Variants in CADM2 observed in about 807,000 individuals in gnomAD.
The protein encoded by CADM2 is cell adhesion molecule 2.
A neutral mutation model predicts 49.8 loss-of-function variants in CADM2; 12 were observed. The ratio of observed to expected loss-of-function variants is 0.24; its 90% confidence interval spans 0.15 to 0.39. The LOEUF (loss-of-function observed/expected upper bound fraction) is 0.39, where lower values mean the gene tolerates loss of function less well. Among genes scored for constraint, CADM2 ranks in the 10% least tolerant of loss-of-function variants. The probability of loss-of-function intolerance (pLI) is 1.00; values close to 1 mark genes in which losing one functional copy is unlikely to be tolerated. For synonymous variants in CADM2, 214 were observed against 175.4 expected (o/e 1.22, Z -1.74); for missense variants, 378 against 492.3 (o/e 0.77, Z 2.20).
chr3:85,047,634 TTTATAACTAAC>T (rs1297221221), intron 1 of CADM2, among the ~76,000 whole-genome samples: 1 of 152,144 alleles, frequency 6.6e-6, no homozygotes, highest in African/African-American at 2.4e-5. Context: ...CACAAATGGT[TTTATAACTAAC>T]ATTTATTTTA....
At chr3:85,101,955 G>A (rs2038028631) in intron 1 of CADM2, among the ~76,000 whole-genome samples, 1 of 152,114 alleles carries the variant, frequency 6.6e-6, no homozygotes, top group South Asian at 2.1e-4. Context: ...TCTCTTAATT[G>A]GAAGTCAGGC....
chr3:85,982,406 T>C (rs1727585419), intron 8 of CADM2, among the ~76,000 whole-genome samples: 1 of 151,672 alleles, frequency 6.6e-6, no homozygotes, highest in Admixed American at 6.6e-5. Flanking sequence ...GTTTGAAAGA[T>C]AACATTTTTA....
At chr3:85,716,927 T>G in intron 1 of CADM2, among the ~76,000 whole-genome samples, 1 of 152,166 alleles carries the variant, frequency 6.6e-6, no homozygotes, top group Non-Finnish European at 1.5e-5. Flanking sequence ...AGTCAGGTAG[T>G]GTGATGCCTC....
intron 1 of CADM2, among the ~76,000 whole-genome samples, chr3:84,963,557 GT>G (rs1017508826): frequency 2.6e-5 from 4 of 152,014 alleles, no homozygotes; most frequent in East Asian, 1.9e-4. Flanking sequence ...GGGGCTTTAG[GT>G]TTTTTTGTTT....
At chr3:84,991,176 T>A (rs1056980564) in intron 1 of CADM2, among the ~76,000 whole-genome samples, 2 of 152,114 alleles carry the variant, frequency 1.3e-5, no homozygotes, top group African/African-American at 4.8e-5. Flanking sequence ...GTATTTCAGA[T>A]CTTGATACAG....
intron 1 of CADM2, among the ~76,000 whole-genome samples, chr3:85,009,640 C>T (rs907890410): frequency 3.3e-5 from 5 of 152,034 alleles, no homozygotes; most frequent in East Asian, 1.9e-4. Context: ...CCAAGGCGGA[C>T]GGATTGCCTG....
At chr3:85,513,009 AAC>A (rs1456766506) in intron 1 of CADM2, among the ~76,000 whole-genome samples, 1 of 152,046 alleles carries the variant, frequency 6.6e-6, no homozygotes, top group African/African-American at 2.4e-5. Context: ...GTTATGAGGA[AAC>A]ACATGTTCCA....
chr3:85,618,908 G>T (rs561217012), intron 1 of CADM2, among the ~76,000 whole-genome samples: 143 of 152,018 alleles, frequency 9.4e-4, no homozygotes, highest in Admixed American at 1.5e-3. Flanking sequence ...AGGCATAGTT[G>T]TGGGTGCGTG....
chr3:85,272,893 C>T (rs1434484051), intron 1 of CADM2, among the ~76,000 whole-genome samples: 1 of 151,204 alleles, frequency 6.6e-6, no homozygotes, highest in Non-Finnish European at 1.5e-5. Context: ...GAAAGACAGA[C>T]ACTAAGCAAC....
intron 8 of CADM2, among the ~76,000 whole-genome samples, chr3:85,987,984 AAC>A (rs1728326296): frequency 3.3e-5 from 5 of 152,116 alleles, no homozygotes; most frequent in Admixed American, 3.3e-4. Flanking sequence ...CTCCACATGA[AAC>A]ACAGTTAATA....
chr3:85,420,706 A>G (rs1415033186), intron 1 of CADM2, among the ~76,000 whole-genome samples: 1 of 152,240 alleles, frequency 6.6e-6, no homozygotes, highest in Non-Finnish European at 1.5e-5. Context: ...TGTTAATCAC[A>G]TTACTGAGTG....
intron 1 of CADM2, among the ~76,000 whole-genome samples, chr3:85,424,773 A>G (rs958470142): frequency 9.2e-5 from 14 of 152,228 alleles, no homozygotes; most frequent in African/African-American, 3.4e-4. Flanking sequence ...ATGTTTAAAA[A>G]TTATCATTTT....
At chr3:85,477,076 T>A (rs1450728769) in intron 1 of CADM2, among the ~76,000 whole-genome samples, 1 of 151,838 alleles carries the variant, frequency 6.6e-6, no homozygotes, top group Admixed American at 6.6e-5. Flanking sequence ...AGCAGATTAG[T>A]AGCTTGATTA....
chr3:85,809,790 C>CTCTCTTTATT (rs1553690315), intron 3 of CADM2, among the ~76,000 whole-genome samples: 1 of 98,890 alleles, frequency 1.0e-5, no homozygotes, highest in African/African-American at 4.6e-5. Flanking sequence ...CTCTCTCTCT[C>CTCTCTTTATT]TCTTTCTTTC....
At chr3:85,882,656 A>T (rs529092908) in intron 3 of CADM2, among the ~76,000 whole-genome samples, 7 of 152,220 alleles carry the variant, frequency 4.6e-5, no homozygotes, top group Non-Finnish European at 1.0e-4. Context: ...TAATTCAGCA[A>T]GATGCTAAAG....
chr3:86,064,427 T>C (rs1261628539), intron 8 of CADM2, among the ~76,000 whole-genome samples: 2 of 152,210 alleles, frequency 1.3e-5, no homozygotes, highest in Non-Finnish European at 2.9e-5. Context: ...GGTGTATATG[T>C]GCCACATTTT....
chr3:85,600,158 C>A (rs552905563), intron 1 of CADM2, among the ~76,000 whole-genome samples: 5 of 151,830 alleles, frequency 3.3e-5, no homozygotes, highest in Non-Finnish European at 7.4e-5. Context: ...TGATCTATAT[C>A]TTTTGCCATT....
At chr3:85,166,727 G>A (rs1157494502) in intron 1 of CADM2, among the ~76,000 whole-genome samples, 1 of 151,844 alleles carries the variant, frequency 6.6e-6, no homozygotes, top group Non-Finnish European at 1.5e-5. Context: ...GCTTATATCA[G>A]TAAGTTTAAA....
intron 1 of CADM2, among the ~76,000 whole-genome samples, chr3:85,288,943 T>C (rs992669376): frequency 6.6e-6 from 1 of 152,192 alleles, no homozygotes; most frequent in African/African-American, 2.4e-5. Context: ...TTGAGATAAA[T>C]ACACACTGTA....
Sources: allele counts gnomAD v4.1 joint callset (sites outside exome capture counted in the v4.1 genomes callset), GRCh38; gene constraint gnomAD v4.1.1; transcripts MANE v1.5; gene names NCBI Gene and HGNC (gene_info 2026-07-23, HGNC 2026-07-21).